Variants in LRMDA observed in about 807,000 individuals in gnomAD.
LRMDA encodes the protein leucine rich melanocyte differentiation associated.
LRMDA carries 18 observed loss-of-function variants against 29.8 expected under a neutral mutation model. The ratio of observed to expected loss-of-function variants is 0.60; its 90% CI spans 0.42 to 0.90. The LOEUF is 0.90. LRMDA is among the 40% of genes least tolerant of loss of function. The pLI, the probability that LRMDA is intolerant of heterozygous loss-of-function variation, is 0.00. For synonymous variants in LRMDA, 125 were observed against 109.4 expected (o/e 1.14, Z -0.89); for missense variants, 273 against 273.9 (o/e 1.00, Z 0.02).
intron 4 of LRMDA, among the ~76,000 whole-genome samples, chr10:76,056,882 A>G (rs1169059342): frequency 1.3e-5 from 2 of 152,098 alleles, no homozygotes; most frequent in Non-Finnish European, 2.9e-5. Flanking sequence ...TCAGGAGGGC[A>G]TGGGGCTCCC....
chr10:75,597,469 G>A (rs569229574), intron 2 of LRMDA, among the ~76,000 whole-genome samples: 85 of 152,290 alleles, frequency 5.6e-4, no homozygotes, highest in African/African-American at 1.9e-3. Context: ...GGAGGGGACT[G>A]GGAGGCACAG....
In LRMDA at chr10:76,363,175, A is replaced by AGG. The variant is rs1564520657; in HGVS notation, c.601+38690_601+38691insGG. Reference sequence around the variant, plus strand: ...AAAGAAAGAAAGAAAGAAAGAAAGAAAGGAGGGAGGGAGGGAGGGAGGGAG... The same window carrying AGG: ...AAAGAAAGAAAGAAAGAAAGAAAGAAGGAGGAGGGAGGGAGGGAGGGAGGGAG... On this transcript the variant is annotated intron_variant, in intron 6 of 6. Coordinates refer to ENST00000611255, the MANE Select transcript of LRMDA (RefSeq NM_001305581.2). Among the ~76,000 whole-genome samples the AGG allele has an allele frequency of 9.1e-4, 24 of 26,252 alleles. 1 individual carries two copies. Among genetic ancestry groups the AGG allele is most frequent in the South Asian group, 1.3e-3 (1 of 762 alleles). The allele number at this position is 26,252 out of a possible 152,430, so 17.2% of individuals were successfully genotyped here.
At chr10:75,829,250 GC>G (rs1844297696) in intron 2 of LRMDA, among the ~76,000 whole-genome samples, 1 of 152,110 alleles carries the variant, frequency 6.6e-6, no homozygotes, top group Non-Finnish European at 1.5e-5. Flanking sequence ...CTCAAGGCCA[GC>G]TCAACACTTC....
intron 2 of LRMDA, among the ~76,000 whole-genome samples, chr10:75,770,346 A>ACATACATGTGTT (rs1406841488): frequency 6.6e-6 from 1 of 152,196 alleles, no homozygotes; most frequent in Non-Finnish European, 1.5e-5. Context: ...GTATGGTGGT[A>ACATACATGTGTT]ATGGTTGCAC....
intron 2 of LRMDA, among the ~76,000 whole-genome samples, chr10:75,630,110 C>T (rs975206258): frequency 6.6e-6 from 1 of 152,192 alleles, no homozygotes; most frequent in Admixed American, 6.5e-5. Context: ...TAAAATTTGC[C>T]TGATGGAAGG....
chr10:76,188,092 C>T (rs1851180903), intron 5 of LRMDA, among the ~76,000 whole-genome samples: 1 of 152,128 alleles, frequency 6.6e-6, no homozygotes. Context: ...CACTGGTTTT[C>T]CCATCAAGCT....
intron 2 of LRMDA, among the ~76,000 whole-genome samples, chr10:75,959,288 G>C (rs1048645590): frequency 6.6e-6 from 1 of 152,170 alleles, no homozygotes; most frequent in Admixed American, 6.5e-5. Flanking sequence ...ACATTGCCAA[G>C]TGTGGGAGAG....
At chr10:76,492,903 GACA>G (rs1269171818) in intron 6 of LRMDA, among the ~76,000 whole-genome samples, 2 of 151,978 alleles carry the variant, frequency 1.3e-5, no homozygotes, top group African/African-American at 4.8e-5. Flanking sequence ...GTCCTGCCTT[GACA>G]TGTGGGAATT....
intron 2 of LRMDA, among the ~76,000 whole-genome samples, chr10:75,712,622 GAC>G (rs1487192259): frequency 1.3e-5 from 2 of 152,220 alleles, no homozygotes; most frequent in African/African-American, 4.8e-5. Context: ...CAGAATGAAA[GAC>G]AGAGAGGAAT....
chr10:75,685,878 A>G (rs982476274), intron 2 of LRMDA, among the ~76,000 whole-genome samples: 1 of 152,252 alleles, frequency 6.6e-6, no homozygotes, highest in Non-Finnish European at 1.5e-5. Flanking sequence ...AGTAGCTTGT[A>G]TCTATCGATT....
intron 2 of LRMDA, among the ~76,000 whole-genome samples, chr10:75,541,102 T>C (rs1430326): frequency 0.76 from 115,914 of 151,998 alleles, 44,348 homozygotes; most frequent in East Asian, 0.85. Flanking sequence ...TTGAATAGCC[T>C]AGGCAACCGC....
chr10:76,558,695 T>A lies in LRMDA; in HGVS notation c.*1407T>A, dbSNP rs904907149. 3.3e-5 allele frequency: 5 copies of A among 152,166 alleles called. No individual in the cohort carries two copies. Among genetic ancestry groups the A allele is most frequent in the African/African-American group, 7.2e-5 (3 of 41,458 alleles). The allele number at this position is 152,166 out of a possible 1,614,324, so 9.4% of individuals were successfully genotyped here. ...ATACTGAGGGACTAGGAGCTGCTAT[T>A]GTAAAACTATGGGGACTCAGAATCC... On this transcript the variant is annotated 3_prime_UTR_variant, in exon 7 of 7. Coordinates refer to ENST00000611255, the MANE Select transcript of LRMDA (RefSeq NM_001305581.2).
At chr10:76,073,681 A>G (rs1848911038) in intron 5 of LRMDA, among the ~76,000 whole-genome samples, 1 of 152,216 alleles carries the variant, frequency 6.6e-6, no homozygotes, top group South Asian at 2.1e-4. Flanking sequence ...TAAGGATTCC[A>G]GGGTGCCATT....
intron 2 of LRMDA, among the ~76,000 whole-genome samples, chr10:75,743,034 G>A (rs79742849): frequency 0.025 from 3,788 of 152,184 alleles, 151 homozygotes; most frequent in African/African-American, 0.083. Flanking sequence ...AATTTCAGGC[G>A]AAAGGGGAGC....
chr10:76,242,927 A>T (rs752703929), intron 5 of LRMDA, among the ~76,000 whole-genome samples: 10 of 152,206 alleles, frequency 6.6e-5, no homozygotes, highest in Non-Finnish European at 1.3e-4. Flanking sequence ...TATGTAGTGC[A>T]GAGTGAGGAT....
intron 5 of LRMDA, among the ~76,000 whole-genome samples, chr10:76,110,566 A>G (rs1402528615): frequency 6.7e-6 from 1 of 150,368 alleles, no homozygotes; most frequent in Non-Finnish European, 1.5e-5. Context: ...GAATTCCCAC[A>G]TGTTATGGGA....
At chr10:75,559,433 C>A (rs1041931773) in intron 2 of LRMDA, among the ~76,000 whole-genome samples, 1 of 151,584 alleles carries the variant, frequency 6.6e-6, no homozygotes, top group African/African-American at 2.4e-5. Flanking sequence ...TGGATATTAG[C>A]CCTTTGTCAG....
chr10:75,764,042 A>G (rs1005689572), intron 2 of LRMDA, among the ~76,000 whole-genome samples: 4 of 152,166 alleles, frequency 2.6e-5, no homozygotes, highest in Non-Finnish European at 5.9e-5. Context: ...TTGCCAGTGA[A>G]TCTGGTCGCA....
intron 5 of LRMDA, among the ~76,000 whole-genome samples, chr10:76,180,240 G>A (rs1817882116): frequency 6.6e-6 from 1 of 150,746 alleles, no homozygotes; most frequent in Admixed American, 6.6e-5. Flanking sequence ...TAGAGACCAG[G>A]CCTCAGAAAA....
Sources: allele counts gnomAD v4.1 joint callset (sites outside exome capture counted in the v4.1 genomes callset), GRCh38; gene constraint gnomAD v4.1.1; transcripts MANE v1.5; gene names NCBI Gene and HGNC (gene_info 2026-07-23, HGNC 2026-07-21).